Variants in FAM107A observed in about 807,000 individuals in gnomAD.
FAM107A encodes the protein family with sequence similarity 107 member A, also known as actin-associated protein FAM107A.
In FAM107A, 19 loss-of-function variants were observed where a neutral mutation model predicts 13.7. The ratio of observed to expected loss-of-function variants is 1.38; its 90% CI spans 0.97 to 2.03. FAM107A has a LOEUF of 2.03. Ranked by LOEUF, FAM107A falls within the 30% of genes most tolerant of loss-of-function variation. FAM107A has a pLI of 0.00. For synonymous variants in FAM107A, 82 were observed against 74.5 expected (o/e 1.10, Z -0.52); for missense variants, 203 against 184.4 (o/e 1.10, Z -0.58).
chr3:58,623,077 G>A (rs915204624), intron 1 of FAM107A, among the ~76,000 whole-genome samples: 2 of 152,198 alleles, frequency 1.3e-5, no homozygotes, highest in African/African-American at 4.8e-5. Flanking sequence ...GCGGCCCTGA[G>A]CACCAGGCAG....
intron 1 of FAM107A, among the ~76,000 whole-genome samples, chr3:58,601,414 C>G (rs1226044610): frequency 6.6e-6 from 1 of 152,192 alleles, no homozygotes; most frequent in Non-Finnish European, 1.5e-5. Flanking sequence ...CCAGGCTACA[C>G]CTTGCTTTGT....
At chr3:58,605,247 G>A (rs1337750549) in intron 1 of FAM107A, among the ~76,000 whole-genome samples, 1 of 152,158 alleles carries the variant, frequency 6.6e-6, no homozygotes, top group African/African-American at 2.4e-5. Flanking sequence ...CCCAGCCCCA[G>A]TTCACTCTTA....
At position 58,594,314 on chromosome 3, in the gene FAM107A, C is replaced by G. The variant is rs115336882; in HGVS notation, c.-69-5045G>C. Among the ~76,000 whole-genome samples, 697 of 152,286 alleles carry G rather than the reference C, an allele frequency of 4.6e-3. 4 individuals carry two copies. Among genetic ancestry groups the G allele is most frequent in the African/African-American group, 0.016 (658 of 41,560 alleles). Reference sequence around the variant, plus strand: ...TCCTCCCAGCCCCTCTTCTTGTTTACTTGTACCCAACCTCATGAATAGCAG... The same window carrying G: ...TCCTCCCAGCCCCTCTTCTTGTTTAGTTGTACCCAACCTCATGAATAGCAG... On this transcript the variant is annotated intron_variant, in intron 1 of 3. Transcript: ENST00000465970.
At chr3:58,611,436 T>C (rs2065853178) in intron 1 of FAM107A, among the ~76,000 whole-genome samples, 1 of 152,256 alleles carries the variant, frequency 6.6e-6, no homozygotes, top group Admixed American at 6.5e-5. Context: ...GCCAGTGTGA[T>C]GTTTGCCCAA....
Position 58,564,211 on chromosome 3 carries a change from C to G in FAM107A, c.*2377G>C, listed in dbSNP as rs914917178. On this transcript the variant is annotated 3_prime_UTR_variant, in exon 4 of 4. Transcript: ENST00000360997. This position sits in a 1 kb window ranked among gnomAD's most constrained non-coding sequence, Gnocchi z 5.6. ...TGAAATAATGATAGGGTCAATGACT[C>G]TGTGATTCTCTTGGCCTTTTTGTCA... The G allele has an allele frequency of 6.6e-6, 1 of 152,188 alleles. No individual in the cohort carries two copies. The highest frequency in any genetic ancestry group is 1.5e-5 in the Non-Finnish European group (1 of 68,046). The allele number at this position is 152,188 out of a possible 1,614,324, so 9.4% of individuals were successfully genotyped here. A position where few individuals can be genotyped will look rare whatever the true frequency, so the allele number is the denominator to read the frequency against.
rs754974887 is a variant in FAM107A, at chr3:58,567,243, G to T, written c.292C>A (p.Gln98Lys). 6.2e-7 allele frequency: 1 copy of T among 1,614,156 alleles called. No homozygotes were observed. Among genetic ancestry groups the T allele is most frequent in the East Asian group, 2.2e-5 (1 of 44,880 alleles). Residue 98 changes from glutamine (Q) to lysine (K), a missense_variant, in exon 3 of 4, where the codon CAG becomes AAG. Gln to Lys is a moderately conservative substitution (Grantham distance 53). Transcript: ENST00000360997. ...CTCTGCTGCCGTCTCAGCAGCTCCT[G>T]CTCAAAGGGGCACTGCAGCCGCTTG... ...EAKRLQCPFE[Q>K]ELLRRQQRLN...
intron 1 of FAM107A, among the ~76,000 whole-genome samples, chr3:58,594,396 T>G (rs1328768007): frequency 6.6e-6 from 1 of 152,130 alleles, no homozygotes; most frequent in Non-Finnish European, 1.5e-5. Context: ...CCTCCCCCTC[T>G]ACCCAGTTGC....
chr3:58,622,999 G>C lies in FAM107A; in HGVS notation c.-70+4417C>G, dbSNP rs1026494816. ...GGTGATGGGATGGCATGCTGTGAGC[G>C]CCTCCTGATGAGGTCCTCACACGTC... On this transcript the variant is annotated intron_variant, in intron 1 of 3. Transcript: ENST00000465970. Among the ~76,000 whole-genome samples, 10 of 152,244 alleles carry C rather than the reference G, an allele frequency of 6.6e-5. No homozygotes were observed. In the South Asian group the frequency reaches 2.1e-3, roughly 32 times the overall value.
In FAM107A at chr3:58,613,719, C is replaced by A. The variant is rs2065875972; in HGVS notation, c.-70+13697G>T. Reference sequence around the variant, plus strand: ...ATTGGGTACCCTAGGGCCATATCTCCCAGGGAGAGGTGAGTCTTGGGGAGG... The same window carrying A: ...ATTGGGTACCCTAGGGCCATATCTCACAGGGAGAGGTGAGTCTTGGGGAGG... On this transcript the variant is annotated intron_variant, in intron 1 of 3. Coordinates refer to the FAM107A transcript ENST00000465970. The surrounding 1 kb of genome is among the most constrained non-coding windows in gnomAD (Gnocchi z 4.6). Among the ~76,000 whole-genome samples, 1 of 152,140 alleles carries A rather than the reference C, an allele frequency of 6.6e-6. No homozygotes were observed. Among genetic ancestry groups the A allele is most frequent in the Non-Finnish European group, 1.5e-5 (1 of 68,012 alleles).
At chr3:58,568,877 C>T (rs1190637537) in intron 2 of FAM107A, among the ~76,000 whole-genome samples, 3 of 152,154 alleles carry the variant, frequency 2.0e-5, no homozygotes. Context: ...CATCAATTGC[C>T]CCATCCCACC....
In FAM107A at chr3:58,567,264, G is replaced by T; in HGVS notation, c.271C>A (p.Arg91=). The T allele has an allele frequency of 1.9e-6, 3 of 1,614,054 alleles. No homozygotes were observed. The highest frequency in any genetic ancestry group is 2.5e-6 in the Non-Finnish European group (3 of 1,179,988). ...KKKKEELEAK[R]LQCPFEQELL... ...TCCTGCTCAAAGGGGCACTGCAGCCGCTTGGCTTCCAGCTCCTCCTTCTTC... is the reference window on the plus strand; with the variant it reads ...TCCTGCTCAAAGGGGCACTGCAGCCTCTTGGCTTCCAGCTCCTCCTTCTTC... The change falls in exon 3 of 4, where the codon CGG becomes AGG. Residue 91 remains arginine (R), a synonymous_variant. Transcript: ENST00000360997.
chr3:58,592,572 T>C (rs1439979695), intron 1 of FAM107A, among the ~76,000 whole-genome samples: 1 of 152,200 alleles, frequency 6.6e-6, no homozygotes, highest in East Asian at 1.9e-4. Flanking sequence ...CCCACCTCTA[T>C]ACAGTCCGAT....
chr3:58,623,655 G>A (rs1003510185), intron 1 of FAM107A, among the ~76,000 whole-genome samples: 1 of 152,194 alleles, frequency 6.6e-6, no homozygotes, highest in African/African-American at 2.4e-5. Flanking sequence ...CAGAAGCGCC[G>A]GCAGTGGGGT....
intron 1 of FAM107A, chr3:58,627,144 G>A (rs577474444): frequency 2.6e-5 from 19 of 728,510 alleles, no homozygotes; most frequent in African/African-American, 1.1e-4. Flanking sequence ...GCACAAAGGC[G>A]GCTTTCACAG....
rs1427001823 is a variant in FAM107A, at chr3:58,567,354, C to G, written c.181G>C (p.Val61Leu). ...CGCTGCAGCTCTGGCTTGCTGTCCA[C>G]ACCAAGGCCCCTGGGGTGGGAAGTG... ...LLMNHRRGLG[V>L]DSKPELQRVL... The change falls in exon 3 of 4, where the codon GTG (valine) becomes CTG (leucine). Residue 61 changes from valine to leucine, a missense_variant. By Grantham distance (32) the Val-to-Leu change is conservative (BLOSUM62 1). Transcript: ENST00000360997. The G allele has an allele frequency of 6.2e-7, 1 of 1,610,704 alleles. No homozygotes were observed. Among genetic ancestry groups the G allele is most frequent in the Non-Finnish European group, 8.5e-7 (1 of 1,178,986 alleles).
Position 58,569,155 on chromosome 3 carries a change from A to C in FAM107A, c.170+536T>G, listed in dbSNP as rs1376559987. Among the ~76,000 whole-genome samples the C allele has an allele frequency of 6.6e-6, 1 of 152,150 alleles. No homozygotes were observed. Among genetic ancestry groups the C allele is most frequent in the South Asian group, 2.1e-4 (1 of 4,836 alleles). On this transcript the variant is annotated intron_variant, in intron 2 of 3. Transcript: ENST00000360997. The surrounding 1 kb of genome is among the most constrained non-coding windows in gnomAD (Gnocchi z 5.7). ...TGACTCCTGTTTCCTGTTCATTTAC[A>C]TATGAGGTTCCCTCTGCCATCCAGC...
chr3:58,616,626 C>T (rs2065904359), intron 1 of FAM107A, among the ~76,000 whole-genome samples: 1 of 151,758 alleles, frequency 6.6e-6, no homozygotes. Flanking sequence ...AAGGGCAGAA[C>T]ACCACGGATT....
chr3:58,593,797 C>T (rs1038028367), intron 1 of FAM107A, among the ~76,000 whole-genome samples: 1 of 152,146 alleles, frequency 6.6e-6, no homozygotes, highest in Non-Finnish European at 1.5e-5. Flanking sequence ...GACTACCTCT[C>T]CCTCTCCCTG....
chr3:58,566,676 T>C lies in FAM107A; in HGVS notation c.347A>G (p.Lys116Arg). 3 of 1,613,840 alleles carry C rather than the reference T, an allele frequency of 1.9e-6. No individual in the cohort carries two copies. Among genetic ancestry groups the C allele is most frequent in the African/African-American group, 1.3e-5 (1 of 75,028 alleles). Residue 116 changes from lysine to arginine, a missense_variant, in exon 4 of 4, where the codon AAG becomes AGG. By Grantham distance (26) the Lys-to-Arg change is conservative (BLOSUM62 2). Coordinates refer to ENST00000360997, the MANE Select transcript of FAM107A (RefSeq NM_001076778.3). ...AAACTCGGGGGCGTGATCCTCTTCC[T>C]TCTCTGGTGGTTTTTCCAGCTGAAG... is the stretch of plus-strand genomic sequence containing the variant. ...RLNQLEKPPE[K>R]EEDHAPEFIK...
Sources: gnomAD v4.1 joint callset for allele counts (sites outside exome capture counted in the v4.1 genomes callset) on GRCh38, gnomAD v4.1.1 for gene constraint, Gnocchi (gnomAD v3.1) non-coding constraint, MANE v1.5 for transcripts, NCBI Gene and HGNC (gene_info 2026-07-23, HGNC 2026-07-21) for gene names.